ZMYND8: variants seen among roughly 807,000 people sequenced by gnomAD.
ZMYND8 encodes MYND-type zinc finger-containing chromatin reader ZMYND8.
A neutral mutation model predicts 140.8 loss-of-function variants in ZMYND8; 37 were observed. The ratio of observed to expected loss-of-function variants is 0.26; its 90% CI spans 0.20 to 0.35. The LOEUF is 0.35. Ranked by LOEUF, ZMYND8 falls within the 10% of genes least tolerant of loss-of-function variation. ZMYND8 has a pLI of 1.00. For missense variants in ZMYND8, 1,068 were observed against 1,570.0 expected, an observed-to-expected ratio of 0.68 and a Z score of 5.40; for synonymous variants, 592 against 597.1, an observed-to-expected ratio of 0.99 and a Z score of 0.12.
At chr20:47,256,704 T>G (rs2147468490) in intron 12 of ZMYND8, among the ~76,000 whole-genome samples, 1 of 152,124 alleles carries the variant, frequency 6.6e-6, no homozygotes, top group African/African-American at 2.4e-5. Context: ...CTAAAGAAAA[T>G]CAAGACAACA....
chr20:47,338,954 AC>A (rs1267153014), intron 2 of ZMYND8, among the ~76,000 whole-genome samples: 3 of 150,152 alleles, frequency 2.0e-5, no homozygotes, highest in African/African-American at 7.4e-5. Flanking sequence ...CTGCTGGGCA[AC>A]CCTACACAAT....
intron 2 of ZMYND8, among the ~76,000 whole-genome samples, chr20:47,331,221 G>A (rs1041869532): frequency 2.6e-5 from 4 of 152,252 alleles, no homozygotes; most frequent in African/African-American, 4.8e-5. Flanking sequence ...GGAAGGGATA[G>A]CCAGGAAGAT....
chr20:47,291,861 A>G lies in ZMYND8; in HGVS notation c.595T>C (p.Leu199=), dbSNP rs1302297116. ...GTDAFQKPVP[L]EQHPDYAEYI... ...TCCGCATAGTCAGGGTGCTGTTCCA[A>G]TGGAACGGGCTTCTGGAATGCATCT... is the stretch of plus-strand genomic sequence containing the variant. The change falls in exon 6 of 23, where the codon TTG becomes CTG. Residue 199 remains leucine, a synonymous_variant. Transcript: ENST00000471951. The G allele has an allele frequency of 2.5e-6, 4 of 1,613,096 alleles. No individual in the cohort carries two copies. Among genetic ancestry groups the G allele is most frequent in the Admixed American group, 1.7e-5 (1 of 59,898 alleles).
At position 47,287,253 on chromosome 20, in the gene ZMYND8, T is replaced by C; in HGVS notation, c.780A>G (p.Val260=). The change falls in exon 8 of 23, where the codon GTA becomes GTG. Residue 260 remains valine, a synonymous_variant. Coordinates refer to ENST00000471951, the MANE Select transcript of ZMYND8 (RefSeq NM_001281775.3). The part of the protein sequence containing the change: ...GNHKLTQIAK[V]VIKICEHEMN... ...CCTCATGTTCACAGATTTTGATGAC[T>C]ACTTTCGCTATTTGCGTCAATTTGT... The C allele has an allele frequency of 6.2e-7, 1 of 1,614,030 alleles. No individual in the cohort carries two copies. Among genetic ancestry groups the C allele is most frequent in the South Asian group, 1.1e-5 (1 of 91,082 alleles).
chr20:47,230,626 A>G (rs188496059), intron 16 of ZMYND8, among the ~76,000 whole-genome samples: 227 of 152,140 alleles, frequency 1.5e-3, no homozygotes, highest in Non-Finnish European at 2.9e-3. Context: ...CGAGAGAAGG[A>G]TTACTTTGTT....
At chr20:47,297,550 T>G (rs1174802137) in intron 4 of ZMYND8, among the ~76,000 whole-genome samples, 1 of 152,096 alleles carries the variant, frequency 6.6e-6, no homozygotes, top group Non-Finnish European at 1.5e-5. Context: ...CCCTCCCAAG[T>G]AGCTGGGACT....
chr20:47,323,005 G>C (rs2080103235), intron 2 of ZMYND8, among the ~76,000 whole-genome samples: 1 of 152,206 alleles, frequency 6.6e-6, no homozygotes, highest in African/African-American at 2.4e-5. Context: ...GCACCTGCCA[G>C]CTGTGTGACC....
intron 12 of ZMYND8, among the ~76,000 whole-genome samples, chr20:47,250,898 A>G (rs1443966475): frequency 6.6e-6 from 1 of 152,168 alleles, no homozygotes; most frequent in East Asian, 1.9e-4. Context: ...GTGTGGTGGA[A>G]TGCACCTGTA....
chr20:47,292,952 A>G (rs2077361114), intron 5 of ZMYND8, among the ~76,000 whole-genome samples: 1 of 151,476 alleles, frequency 6.6e-6, no homozygotes, highest in Non-Finnish European at 1.5e-5. Context: ...AGTTCCAGCT[A>G]CTTGAGAGGC....
chr20:47,273,510 C>A (rs1328564680), intron 11 of ZMYND8, among the ~76,000 whole-genome samples: 1 of 152,152 alleles, frequency 6.6e-6, no homozygotes, highest in Non-Finnish European at 1.5e-5. Flanking sequence ...CGTGGCACTG[C>A]GCTCTAGCCT....
chr20:47,307,224 G>A (rs1273090498), intron 3 of ZMYND8, among the ~76,000 whole-genome samples: 1 of 151,934 alleles, frequency 6.6e-6, no homozygotes, highest in Non-Finnish European at 1.5e-5. Flanking sequence ...GCCGAGGTGG[G>A]TGGATTACCT....
intron 1 of ZMYND8, 156 bp from the exon 2 acceptor site, chr20:47,348,082 G>A (rs1239279952): frequency 2.8e-6 from 2 of 724,528 alleles, no homozygotes; most frequent in African/African-American, 3.5e-5. Flanking sequence ...TTTCAACAAA[G>A]TGTGAAGAGT....
chr20:47,217,774 T>C (rs1338419286), intron 21 of ZMYND8, among the ~76,000 whole-genome samples: 1 of 152,214 alleles, frequency 6.6e-6, no homozygotes, highest in African/African-American at 2.4e-5. Context: ...TGCTCTTCAG[T>C]ATCACCAATA....
chr20:47,353,788 G>A (rs2082990147), intron 1 of ZMYND8: 1 of 152,176 alleles, frequency 6.6e-6, no homozygotes, highest in African/African-American at 2.4e-5. Flanking sequence ...ATTCTACCTT[G>A]ATGAGAAAAA....
intron 1 of ZMYND8, chr20:47,348,221 G>T: frequency 2.5e-6 from 1 of 401,786 alleles, no homozygotes; most frequent in Non-Finnish European, 4.6e-6. Context: ...CTACCCCTGT[G>T]GGCCAATGAG....
chr20:47,270,596 T>G (rs926974366), intron 11 of ZMYND8, among the ~76,000 whole-genome samples: 3 of 146,970 alleles, frequency 2.0e-5, no homozygotes, highest in African/African-American at 7.6e-5. Context: ...TGTGGTGGTA[T>G]GTGCCTGTAG....
intron 2 of ZMYND8, among the ~76,000 whole-genome samples, chr20:47,316,429 T>C (rs969357636): frequency 6.6e-6 from 1 of 152,058 alleles, no homozygotes; most frequent in Non-Finnish European, 1.5e-5. Context: ...CTGGATGTCT[T>C]TTGATTTAAG....
intron 3 of ZMYND8, among the ~76,000 whole-genome samples, chr20:47,302,467 ATAT>A (rs2148110059): frequency 6.6e-6 from 1 of 152,274 alleles, no homozygotes; most frequent in Non-Finnish European, 1.5e-5. Flanking sequence ...AAAAAAATAT[ATAT>A]CTATGTGTTT....
chr20:47,275,620 G>A (rs2076211217), intron 11 of ZMYND8, among the ~76,000 whole-genome samples: 1 of 151,940 alleles, frequency 6.6e-6, no homozygotes, highest in Non-Finnish European at 1.5e-5. Flanking sequence ...TTGAGACAGG[G>A]TCTCACAAGG....
Sources: gnomAD v4.1 joint callset for allele counts (sites outside exome capture counted in the v4.1 genomes callset) on GRCh38, gnomAD v4.1.1 for gene constraint, MANE v1.5 for transcripts, NCBI Gene and HGNC (gene_info 2026-07-23, HGNC 2026-07-21) for gene names.